CFAP210: variants seen among roughly 807,000 people sequenced by gnomAD.
CFAP210 encodes the protein cilia and flagella associated protein 210, also known as cilia- and flagella- associated protein 210.
the CFAP210 span, chr2:169,650,611 G>T: frequency 7.4e-7 from 1 of 1,352,792 alleles, no homozygotes; most frequent in Non-Finnish European, 9.5e-7. Context: ...GAGATATTTT[G>T]CAGTCTCTTA....
chr2:169,650,750 G>GTGTGTGTGTGT, the CFAP210 span, among the ~76,000 whole-genome samples: 2 of 149,896 alleles, frequency 1.3e-5, no homozygotes, highest in African/African-American at 4.9e-5. Context: ...GTGTGTGTGT[G>GTGTGTGTGTGT]TGTGTGTGTG....
chr2:169,684,329 C>T, the CFAP210 span, among the ~76,000 whole-genome samples: 1 of 152,178 alleles, frequency 6.6e-6, no homozygotes, highest in Non-Finnish European at 1.5e-5. Flanking sequence ...TTATAATACA[C>T]ATAAAAATCC....
the CFAP210 span, among the ~76,000 whole-genome samples, chr2:169,671,326 A>C: frequency 1.3e-4 from 20 of 152,222 alleles, no homozygotes; most frequent in South Asian, 1.7e-3. Flanking sequence ...TAGGCGCAGG[A>C]ACCAGTTTCT....
the CFAP210 span, among the ~76,000 whole-genome samples, chr2:169,665,766 G>A: frequency 6.6e-6 from 1 of 152,180 alleles, no homozygotes; most frequent in Non-Finnish European, 1.5e-5. Flanking sequence ...GCTTGTGGTA[G>A]TTGAGTACAG....
the CFAP210 span, among the ~76,000 whole-genome samples, chr2:169,668,897 C>T: frequency 6.6e-6 from 1 of 152,134 alleles, no homozygotes; most frequent in Non-Finnish European, 1.5e-5. Flanking sequence ...CATAAAGTGA[C>T]ATGCTGTTGA....
the CFAP210 span, among the ~76,000 whole-genome samples, chr2:169,673,618 A>T: frequency 6.6e-6 from 1 of 152,198 alleles, no homozygotes; most frequent in African/African-American, 2.4e-5. Flanking sequence ...TATGTGAAAA[A>T]AGCATGTAAT....
the CFAP210 span, among the ~76,000 whole-genome samples, chr2:169,650,771 T>TGTGTGTGTGTG: frequency 2.7e-5 from 4 of 148,254 alleles, no homozygotes; most frequent in Non-Finnish European, 3.0e-5. Context: ...TGTGTGTGTG[T>TGTGTGTGTGTG]TTAAGAAATA....
At chr2:169,664,957 C>A in the CFAP210 span, among the ~76,000 whole-genome samples, 1 of 152,214 alleles carries the variant, frequency 6.6e-6, no homozygotes. Context: ...GATGTCCAGA[C>A]TGATGACACT....
At chr2:169,674,772 A>T in the CFAP210 span, 1 of 1,549,192 alleles carries the variant, frequency 6.5e-7, no homozygotes, top group Non-Finnish European at 8.7e-7. Context: ...AGTCCCGACT[A>T]CAAAAGAAAA....
At chr2:169,689,802 TAAATGGATGTTAGATTTGTC>T in the CFAP210 span, among the ~76,000 whole-genome samples, 3 of 152,236 alleles carry the variant, frequency 2.0e-5, no homozygotes, top group East Asian at 1.9e-4. Context: ...GTTTTTATCA[TAAATGGATGTTAGATTTGTC>T]AAATGTTTTT....
At chr2:169,666,362 A>C in the CFAP210 span, among the ~76,000 whole-genome samples, 3 of 151,490 alleles carry the variant, frequency 2.0e-5, no homozygotes, top group African/African-American at 7.3e-5. Context: ...CAAACAAACA[A>C]ATAAAGTACA....
At chr2:169,688,229 G>A in the CFAP210 span, among the ~76,000 whole-genome samples, 7 of 152,332 alleles carry the variant, frequency 4.6e-5, no homozygotes, top group East Asian at 1.2e-3. Flanking sequence ...TGGTCCTGGG[G>A]ATTAACATTA....
At chr2:169,691,762 T>A in the CFAP210 span, among the ~76,000 whole-genome samples, 1 of 152,254 alleles carries the variant, frequency 6.6e-6, no homozygotes, top group African/African-American at 2.4e-5. Flanking sequence ...GATTTCTACA[T>A]ACACCCAAAG....
chr2:169,649,155 TA>T, the CFAP210 span: 1 of 1,552,078 alleles, frequency 6.4e-7, no homozygotes, highest in Non-Finnish European at 8.7e-7. Context: ...ATTACTAACA[TA>T]ATTATAAACA....
chr2:169,682,826 C>T, the CFAP210 span, among the ~76,000 whole-genome samples: 1 of 152,102 alleles, frequency 6.6e-6, no homozygotes. Context: ...CTATATGAAT[C>T]TAGATAAAAT....
At chr2:169,654,794 A>T in the CFAP210 span, among the ~76,000 whole-genome samples, 1 of 152,154 alleles carries the variant, frequency 6.6e-6, no homozygotes. Flanking sequence ...ATATATATAT[A>T]ATATAAAGTT....
At chr2:169,669,774 TAA>T in the CFAP210 span, among the ~76,000 whole-genome samples, 458 of 133,158 alleles carry the variant, frequency 3.4e-3, 2 homozygotes, top group African/African-American at 9.6e-3. Context: ...GACTCCGTCT[TAA>T]AAAAAAAAAA....
the CFAP210 span, among the ~76,000 whole-genome samples, chr2:169,682,525 T>C: frequency 6.6e-6 from 1 of 152,212 alleles, no homozygotes; most frequent in Non-Finnish European, 1.5e-5. Context: ...ACATGCTGTT[T>C]GTTTCCTTAT....
the CFAP210 span, chr2:169,650,294 C>G: frequency 2.0e-6 from 3 of 1,511,690 alleles, no homozygotes; most frequent in South Asian, 2.8e-5. Context: ...CTAACTCTGT[C>G]TTTCTATTTT....
Sources: allele counts gnomAD v4.1 joint callset (sites outside exome capture counted in the v4.1 genomes callset), GRCh38; gene constraint gnomAD v4.1.1; transcripts MANE v1.5; gene names NCBI Gene and HGNC (gene_info 2026-07-23, HGNC 2026-07-21).